The following HS6ST3 variants were observed in gnomAD, a reference collection of about 807,000 sequenced individuals.
HS6ST3 encodes the protein heparan-sulfate 6-O-sulfotransferase 3.
Under a neutral mutation model 36.7 loss-of-function variants are expected in HS6ST3, and 12 were observed. The observed-to-expected ratio is 0.33, with a 90% CI of 0.21 to 0.53. The LOEUF is 0.53. HS6ST3 is among the 20% of genes least tolerant of loss of function. The probability of loss-of-function intolerance (pLI) is 0.95; values close to 1 mark genes in which losing one functional copy is unlikely to be tolerated. For missense variants in HS6ST3, 584 were observed against 640.9 expected (o/e 0.91, Z 0.96); for synonymous variants, 240 against 257.5 (o/e 0.93, Z 0.65).
At chr13:96,110,703 C>T (rs1051531316) in intron 1 of HS6ST3, among the ~76,000 whole-genome samples, 2 of 152,132 alleles carry the variant, frequency 1.3e-5, no homozygotes, top group East Asian at 3.9e-4. Context: ...GGATTACAGG[C>T]GTGAGCCACC....
At chr13:96,649,227 G>T (rs2056599348) in intron 1 of HS6ST3, among the ~76,000 whole-genome samples, 1 of 152,012 alleles carries the variant, frequency 6.6e-6, no homozygotes, top group Non-Finnish European at 1.5e-5. Context: ...CCATGGCTTA[G>T]GAGGTCTCAG....
In HS6ST3 at chr13:96,461,797, C is replaced by A. The variant is rs79407115; in HGVS notation, c.707+370228C>A. 3.9e-5 allele frequency among the ~76,000 whole-genome samples: 6 copies of A among 152,210 alleles called. No individual in the cohort carries two copies. The East Asian group carries it at 9.7e-4, about 25-fold the overall frequency. On this transcript the variant is annotated intron_variant, in intron 1 of 1. Transcript: ENST00000376705. ...ACTCCCTCTGAAAAGGAGGAACAGA[C>A]AGCAATTCCAAATTCATTATATGGG...
At chr13:96,528,167 A>G (rs995786540) in intron 1 of HS6ST3, among the ~76,000 whole-genome samples, 1 of 152,230 alleles carries the variant, frequency 6.6e-6, no homozygotes, top group African/African-American at 2.4e-5. Context: ...CTCAGATAAA[A>G]TGGTTATCCC....
intron 1 of HS6ST3, among the ~76,000 whole-genome samples, chr13:96,579,883 C>A (rs1434600852): frequency 6.6e-6 from 1 of 152,040 alleles, no homozygotes; most frequent in East Asian, 1.9e-4. Flanking sequence ...TGATTCTATG[C>A]AAATGATCTG....
At chr13:96,700,424 A>G (rs1053064163) in intron 1 of HS6ST3, among the ~76,000 whole-genome samples, 8 of 152,300 alleles carry the variant, frequency 5.3e-5, no homozygotes, top group African/African-American at 1.9e-4. Flanking sequence ...CTACAATTCA[A>G]GATGAGATTT....
chr13:96,174,553 T>C (rs936595948), intron 1 of HS6ST3, among the ~76,000 whole-genome samples: 1 of 152,188 alleles, frequency 6.6e-6, no homozygotes, highest in Non-Finnish European at 1.5e-5. Context: ...ATATTATTTT[T>C]GGATCTTTGG....
At chr13:96,363,531 T>C (rs947141869) in intron 1 of HS6ST3, among the ~76,000 whole-genome samples, 9 of 152,188 alleles carry the variant, frequency 5.9e-5, no homozygotes, top group African/African-American at 1.7e-4. Flanking sequence ...TGAAACCCAA[T>C]TGCTAAATCC....
chr13:96,726,526 G>A lies in HS6ST3; in HGVS notation c.708-105964G>A, dbSNP rs183509781. ...TTCCTACTTTTTGTTGCTAATATAT[G>A]GTTAGTAATGAGTTTTTAAATATTG... On this transcript the variant is annotated intron_variant, in intron 1 of 1. Transcript: ENST00000376705. 2.4e-4 allele frequency among the ~76,000 whole-genome samples: 37 copies of A among 152,130 alleles called. No homozygotes were observed. The East Asian group carries it at 7.2e-3, about 29-fold the overall frequency.
chr13:96,740,567 C>T (rs1050520998), intron 1 of HS6ST3, among the ~76,000 whole-genome samples: 4 of 152,116 alleles, frequency 2.6e-5, no homozygotes, highest in African/African-American at 9.7e-5. Flanking sequence ...ATGAAGCCTT[C>T]CATGCCTATT....
At chr13:96,788,192 A>G (rs936601291) in intron 1 of HS6ST3, among the ~76,000 whole-genome samples, 1 of 151,622 alleles carries the variant, frequency 6.6e-6, no homozygotes, top group Non-Finnish European at 1.5e-5. Context: ...TCCAACATAC[A>G]TCTCTTTCCA....
At chr13:96,119,146 TAA>T (rs1438263327) in intron 1 of HS6ST3, among the ~76,000 whole-genome samples, 6 of 152,176 alleles carry the variant, frequency 3.9e-5, no homozygotes, top group Non-Finnish European at 7.4e-5. Flanking sequence ...TTTATAGTAA[TAA>T]GAGTTTAGCA....
chr13:96,221,213 CAGTT>C (rs2054453498), intron 1 of HS6ST3, among the ~76,000 whole-genome samples: 1 of 152,090 alleles, frequency 6.6e-6, no homozygotes, highest in Admixed American at 6.5e-5. Context: ...AATTAGAAAG[CAGTT>C]AGGGTCAGAG....
At chr13:96,369,744 AG>A (rs953976159) in intron 1 of HS6ST3, among the ~76,000 whole-genome samples, 5 of 152,198 alleles carry the variant, frequency 3.3e-5, no homozygotes, top group Non-Finnish European at 5.9e-5. Context: ...GGTATAAAGC[AG>A]GGTGGGTTTT....
intron 1 of HS6ST3, among the ~76,000 whole-genome samples, chr13:96,136,097 A>C (rs888383120): frequency 1.3e-5 from 2 of 152,182 alleles, no homozygotes; most frequent in Non-Finnish European, 2.9e-5. Flanking sequence ...GCTTAAGGTA[A>C]GTTATCACCG....
At chr13:96,670,449 AT>A (rs781313927) in intron 1 of HS6ST3, among the ~76,000 whole-genome samples, 6 of 151,980 alleles carry the variant, frequency 3.9e-5, no homozygotes, top group African/African-American at 1.2e-4. Flanking sequence ...ATCAAGAGTA[AT>A]TTTTTTTAAA....
intron 1 of HS6ST3, among the ~76,000 whole-genome samples, chr13:96,343,959 G>A (rs1052556360): frequency 2.0e-5 from 3 of 152,110 alleles, no homozygotes; most frequent in African/African-American, 7.2e-5. Context: ...AGCCAGGATG[G>A]TCTCAATCTC....
chr13:96,150,376 G>A (rs992001750), intron 1 of HS6ST3, among the ~76,000 whole-genome samples: 15 of 152,128 alleles, frequency 9.9e-5, no homozygotes, highest in African/African-American at 3.6e-4. Flanking sequence ...TCTCACTCTG[G>A]TCATGGACTC....
intron 1 of HS6ST3, among the ~76,000 whole-genome samples, chr13:96,355,943 A>G (rs1342564832): frequency 6.6e-6 from 1 of 152,198 alleles, no homozygotes; most frequent in East Asian, 1.9e-4. Context: ...TCATTACAAC[A>G]ATGTTCAGCA....
At chr13:96,402,813 CT>C (rs1356993483) in intron 1 of HS6ST3, among the ~76,000 whole-genome samples, 4 of 152,304 alleles carry the variant, frequency 2.6e-5, no homozygotes, top group African/African-American at 9.6e-5. Flanking sequence ...ATCCATTCTC[CT>C]GTTGATGAAC....
Sources: allele counts gnomAD v4.1 joint callset (sites outside exome capture counted in the v4.1 genomes callset), GRCh38; gene constraint gnomAD v4.1.1; transcripts MANE v1.5; gene names NCBI Gene and HGNC (gene_info 2026-07-23, HGNC 2026-07-21).